HUWE1: variants seen among roughly 807,000 people sequenced by gnomAD.
The protein encoded by HUWE1 is E3 ubiquitin-protein ligase HUWE1.
HUWE1 carries 18 observed loss-of-function variants against 299.4 expected under a neutral mutation model. That is an observed-to-expected ratio of 0.06 (90% CI 0.04 to 0.09). HUWE1 has a LOEUF of 0.09. Ranked by LOEUF, HUWE1 falls within the 10% of genes least tolerant of loss-of-function variation. The probability of loss-of-function intolerance (pLI) is 1.00; values close to 1 mark genes in which losing one functional copy is unlikely to be tolerated. For synonymous variants in HUWE1, 1,317 were observed against 1,286.1 expected (o/e 1.02, Z -0.51); for missense variants, 1,832 against 3,462.3 (o/e 0.53, Z 11.82).
Position 53,600,173 on chromosome X carries a change from A to T in HUWE1, c.3108T>A (p.Ser1036=), listed in dbSNP as rs1804269905. The stretch of plus-strand genomic sequence containing the variant: ...TGGCAGCCATTGCTGGTGTGATTTT[A>T]GATTTGCCCTTAGAGTCTGAAGCAG... ...EPTASDSKGK[S]KITPAMAARI... is the part of the protein sequence containing the mutation. The change falls in exon 29 of 84, where the codon TCT becomes TCA. Residue 1036 remains serine (S), a synonymous_variant. Transcript: ENST00000262854. 8.3e-7 allele frequency: 1 copy of T among 1,210,146 alleles called. No homozygotes were observed. The highest frequency in any genetic ancestry group is 1.7e-5 in the African/African-American group (1 of 57,254).
intron 3 of HUWE1, among the ~76,000 whole-genome samples, chrX:53,665,844 T>C (rs782414804): frequency 3.6e-5 from 4 of 111,940 alleles, no homozygotes; most frequent in Non-Finnish European, 7.5e-5. Context: ...GTCTACACCT[T>C]AAGAATTGTC....
At chrX:53,604,931 G>T in intron 25 of HUWE1, 97 bp from the exon 26 acceptor site, 1 of 909,411 alleles carries the variant, frequency 1.1e-6, no homozygotes, top group Non-Finnish European at 1.6e-6. Context: ...TTAAATGGAA[G>T]CCTCTCAGAT....
rs1557036762 is a variant in HUWE1, at chrX:53,647,385, G to A, written c.334C>T (p.Leu112=). The change falls in exon 6 of 84, where the codon CTG becomes TTG. Residue 112 remains leucine (L), a synonymous_variant. Transcript: ENST00000262854. The part of the protein sequence containing the change: ...LLIEYSFSRH[L]YSSIEHLTTL... Reference sequence around the variant, plus strand: ...TCCCCTACCTCTATGGAACTGTACAGATGCCGGGAAAAGCTGTACTCAATG... The same window carrying A: ...TCCCCTACCTCTATGGAACTGTACAAATGCCGGGAAAAGCTGTACTCAATG... The A allele has an allele frequency of 8.3e-7, 1 of 1,208,279 alleles. No homozygotes were observed.
intron 3 of HUWE1, among the ~76,000 whole-genome samples, chrX:53,670,017 GA>G (rs1355951723): frequency 1.8e-5 from 2 of 111,874 alleles, no homozygotes; most frequent in Non-Finnish European, 3.8e-5. Context: ...CCTTTAATTT[GA>G]AAAAGTTTTA....
chrX:53,581,152 G>A (rs2148244372), intron 42 of HUWE1, 126 bp from the exon 43 acceptor site: 3 of 555,413 alleles, frequency 5.4e-6, no homozygotes, highest in East Asian at 3.7e-5. Flanking sequence ...TTTAAGTCCC[G>A]TCCCATCCCT....
intron 3 of HUWE1, among the ~76,000 whole-genome samples, chrX:53,661,652 C>G (rs1215644978): frequency 2.3e-4 from 26 of 112,025 alleles, no homozygotes; most frequent in African/African-American, 8.1e-4. Flanking sequence ...GGGTCAGAAC[C>G]AGAACTCAGG....
chrX:53,532,778 C>A lies in HUWE1; in HGVS notation c.*531G>T, dbSNP rs1482708736. On this transcript the variant is annotated 3_prime_UTR_variant, in exon 84 of 84. Coordinates refer to ENST00000262854, the MANE Select transcript of HUWE1 (RefSeq NM_031407.7). The stretch of plus-strand genomic sequence containing the variant: ...TTTTTTTTAAGTTTGAAAAAAACTC[C>A]ATTGTGAAAAGTGAGTTATGAAGAG... 1 of 109,205 alleles carries A rather than the reference C, an allele frequency of 9.2e-6. No homozygotes were observed. Among genetic ancestry groups the A allele is most frequent in the Non-Finnish European group, 1.9e-5 (1 of 52,551 alleles). The allele number at this position is 109,205 out of a possible 1,213,427, so 9.0% of individuals were successfully genotyped here.
chrX:53,552,246 TC>T, intron 63 of HUWE1, 64 bp downstream of exon 63: 1 of 1,177,136 alleles, frequency 8.5e-7, no homozygotes, highest in Non-Finnish European at 1.2e-6. Flanking sequence ...GGTGGGCATT[TC>T]CATGCCAAGG....
chrX:53,564,442 A>G (rs2062435954), intron 51 of HUWE1, 132 bp downstream of exon 51: 4 of 718,426 alleles, frequency 5.6e-6, no homozygotes, highest in Admixed American at 2.6e-5. Flanking sequence ...TCTACTAAGC[A>G]TATCACCCAT....
At chrX:53,604,353 T>C (rs1603038916) in intron 26 of HUWE1, among the ~76,000 whole-genome samples, 1 of 111,919 alleles carries the variant, frequency 8.9e-6, no homozygotes, top group Admixed American at 9.4e-5. Flanking sequence ...GAATACCCAA[T>C]TGATGTTTGT....
chrX:53,535,299 G>A lies in HUWE1; in HGVS notation c.12649+85C>T, dbSNP rs1172709116. ...GCATTTGTGGCTCTGTCATAGCAGA[G>A]GAAAACAAAACATGCCTATCAAATG... On this transcript the variant is annotated intron_variant, in intron 81 of 83. Transcript: ENST00000262854. 14 of 631,965 alleles carry A rather than the reference G, an allele frequency of 2.2e-5. No individual in the cohort carries two copies. In the Admixed American group the frequency reaches 3.1e-4, roughly 14 times the overall value. 52.1% of individuals were successfully genotyped at this position (631,965 alleles called of 1,213,427 possible).
At chrX:53,619,090 A>T (rs1399711763) in intron 19 of HUWE1, among the ~76,000 whole-genome samples, 2 of 111,746 alleles carry the variant, frequency 1.8e-5, no homozygotes, top group Non-Finnish European at 3.8e-5. Flanking sequence ...CCTAAGATCT[A>T]AAAGAAACCA....
intron 67 of HUWE1, 58 bp downstream of exon 67, chrX:53,548,901 C>T (rs1259995850): frequency 1.2e-5 from 12 of 1,036,003 alleles, no homozygotes; most frequent in South Asian, 2.0e-5. Context: ...TCAACTTTCA[C>T]CCAGGCTCTT....
rs188543032 is a variant in HUWE1, at chrX:53,567,307, C to T, written c.6707+1385G>A. Among the ~76,000 whole-genome samples, 46 of 110,951 alleles carry T rather than the reference C, an allele frequency of 4.1e-4. No individual in the cohort carries two copies. The East Asian group carries it at 0.012, about 28-fold the overall frequency. ...GTGAGTTTGACATTTATAAATGTTT[C>T]AAAAAATTGATAGGTTTGTAGCAAA... On this transcript the variant is annotated intron_variant, in intron 49 of 83. Coordinates refer to ENST00000262854, the MANE Select transcript of HUWE1 (RefSeq NM_031407.7).
intron 23 of HUWE1, among the ~76,000 whole-genome samples, chrX:53,609,201 C>T (rs782034840): frequency 5.2e-4 from 58 of 110,996 alleles, no homozygotes; most frequent in African/African-American, 1.9e-3. Flanking sequence ...CAAGCCTGAC[C>T]AAGGTTGAAA....
At chrX:53,634,810 T>C (rs2067101645) in intron 7 of HUWE1, among the ~76,000 whole-genome samples, 1 of 112,184 alleles carries the variant, frequency 8.9e-6, no homozygotes, top group East Asian at 2.8e-4. Context: ...CTACCTTATT[T>C]ATTACTACTG....
chrX:53,653,230 T>C (rs781794181), intron 4 of HUWE1, among the ~76,000 whole-genome samples: 2 of 112,669 alleles, frequency 1.8e-5, no homozygotes, highest in African/African-American at 6.4e-5. Context: ...CAGGTACTTT[T>C]ACATTTTTTG....
chrX:53,579,414 C>T (rs2063488524), intron 43 of HUWE1, among the ~76,000 whole-genome samples: 1 of 111,434 alleles, frequency 9.0e-6, no homozygotes, highest in African/African-American at 3.3e-5. Flanking sequence ...GTGGGGAGCC[C>T]CTCTGCCCGG....
chrX:53,568,038 C>A (rs782294519), intron 49 of HUWE1, among the ~76,000 whole-genome samples: 2 of 111,878 alleles, frequency 1.8e-5, no homozygotes, highest in African/African-American at 6.5e-5. Context: ...CTTCAACAAG[C>A]TGGAATCATG....
Sources: allele counts gnomAD v4.1 joint callset (sites outside exome capture counted in the v4.1 genomes callset), GRCh38; gene constraint gnomAD v4.1.1; transcripts MANE v1.5; gene names NCBI Gene and HGNC (gene_info 2026-07-23, HGNC 2026-07-21).